Variants in DAB1 observed in about 807,000 individuals in gnomAD.
The protein encoded by DAB1 is disabled homolog 1.
Under a neutral mutation model 64.6 loss-of-function variants are expected in DAB1, and 15 were observed. The observed-to-expected ratio is 0.23, with a 90% CI of 0.16 to 0.36. DAB1 has a LOEUF of 0.36. Ranked by LOEUF, DAB1 falls within the 10% of genes least tolerant of loss-of-function variation. The probability of loss-of-function intolerance (pLI) is 1.00; values close to 1 mark genes in which losing one functional copy is unlikely to be tolerated. For missense variants in DAB1, 596 were observed against 706.7 expected (o/e 0.84, Z 1.78); for synonymous variants, 235 against 251.9 (o/e 0.93, Z 0.64).
At chr1:58,201,206 T>G (rs918468544) in intron 4 of DAB1, among the ~76,000 whole-genome samples, 1 of 151,950 alleles carries the variant, frequency 6.6e-6, no homozygotes, top group African/African-American at 2.4e-5. Context: ...TTAGTAGAGA[T>G]GGGGTTTCAC....
rs1166788271 is a variant in DAB1 at position 58,201,027 on chromosome 1, T to TTTC, written n.310-50440_310-50439insGAA. ...AGTCTATTTTTGTTTGTTTTGTTTTTTTTTTTTGAGATGGAGTCTCGCTCT... is the reference window on the plus strand; with the variant it reads ...AGTCTATTTTTGTTTGTTTTGTTTTTTTCTTTTTTTGAGATGGAGTCTCGCTCT... On this transcript the variant is annotated intron_variant and non_coding_transcript_variant, in intron 4 of 20. Coordinates refer to the DAB1 transcript ENST00000485760. Among the ~76,000 whole-genome samples the TTTC allele has an allele frequency of 3.3e-5, 5 of 151,874 alleles. No homozygotes were observed. The East Asian group carries it at 9.7e-4, about 29-fold the overall frequency.
At chr1:57,232,520 T>C (rs1667761982) in intron 2 of DAB1, among the ~76,000 whole-genome samples, 1 of 152,118 alleles carries the variant, frequency 6.6e-6, no homozygotes, top group African/African-American at 2.4e-5. Flanking sequence ...AAACTTACGT[T>C]CTCTAACACA....
chr1:57,971,704 G>T (rs1025917823), intron 5 of DAB1, among the ~76,000 whole-genome samples: 10 of 152,098 alleles, frequency 6.6e-5, no homozygotes, highest in Admixed American at 5.2e-4. Context: ...TTTGTATCCG[G>T]GATCACAAAT....
At chr1:58,301,364 C>T (rs1431757019) in intron 4 of DAB1, among the ~76,000 whole-genome samples, 2 of 152,138 alleles carry the variant, frequency 1.3e-5, no homozygotes, top group African/African-American at 4.8e-5. Flanking sequence ...ATCCATGAGA[C>T]TTCTGGATTA....
chr1:58,496,783 A>G (rs1053129725), intron 3 of DAB1, among the ~76,000 whole-genome samples: 1 of 152,188 alleles, frequency 6.6e-6, no homozygotes, highest in African/African-American at 2.4e-5. Context: ...TGTCTGCAAC[A>G]TCTTTTATTC....
intron 5 of DAB1, among the ~76,000 whole-genome samples, chr1:57,936,530 T>C (rs1210326959): frequency 6.6e-6 from 1 of 152,140 alleles, no homozygotes; most frequent in Non-Finnish European, 1.5e-5. Context: ...TAGCTGGGAT[T>C]ACAGGCAGCC....
At position 57,145,396 on chromosome 1, in the gene DAB1, C is replaced by T. The variant is rs1188127165; in HGVS notation, c.101G>A (p.Arg34Lys). 3 of 1,613,968 alleles carry T rather than the reference C, an allele frequency of 1.9e-6. No homozygotes were observed. The highest frequency in any genetic ancestry group is 1.3e-5 in the African/African-American group (1 of 74,936). The part of the protein sequence containing the change: ...QDRSEATLIK[R>K]FKGEGVRYKA... ...GTACCGGACCCCTTCACCTTTAAAC[C>T]TCTTTATCAAAGTGGCTTCACTGCG... Residue 34 changes from arginine to lysine, a missense_variant, in exon 3 of 15, where the codon AGG becomes AAG. This residue lies in a region of DAB1 where 43 missense variants were observed against 39.6 expected (regional missense o/e 1.09). Coordinates refer to ENST00000371236, the MANE Select transcript of DAB1 (RefSeq NM_001365792.1).
chr1:57,412,481 C>A (rs529939552), intron 1 of DAB1, among the ~76,000 whole-genome samples: 9 of 152,322 alleles, frequency 5.9e-5, no homozygotes, highest in Middle Eastern at 3.4e-3. Context: ...GTGCAGCTCA[C>A]TGCCAGTACT....
chr1:58,302,900 A>G (rs1041630240), intron 4 of DAB1, among the ~76,000 whole-genome samples: 3 of 152,072 alleles, frequency 2.0e-5, no homozygotes, highest in African/African-American at 7.2e-5. Context: ...CTACTATTTA[A>G]TATCTCACTA....
intron 4 of DAB1, among the ~76,000 whole-genome samples, chr1:58,229,771 C>T (rs560583375): frequency 1.0e-3 from 152 of 152,298 alleles, no homozygotes; most frequent in Admixed American, 2.8e-3. Flanking sequence ...GCTGAGCCTC[C>T]TGGAGAAGAG....
chr1:57,878,095 T>C (rs913932260), intron 1 of DAB1, among the ~76,000 whole-genome samples: 6 of 152,188 alleles, frequency 3.9e-5, no homozygotes, highest in South Asian at 2.1e-4. Context: ...CTGAAGCCTA[T>C]CTTTATGTCC....
chr1:57,255,373 C>A (rs1211636914), intron 2 of DAB1, among the ~76,000 whole-genome samples: 1 of 152,078 alleles, frequency 6.6e-6, no homozygotes, highest in African/African-American at 2.4e-5. Flanking sequence ...GTTAAAAAAA[C>A]AAAACAGGCC....
At chr1:57,611,339 A>G (rs1457343961) in intron 7 of DAB1, among the ~76,000 whole-genome samples, 1 of 152,028 alleles carries the variant, frequency 6.6e-6, no homozygotes, top group Non-Finnish European at 1.5e-5. Flanking sequence ...CAGAATGTTT[A>G]TTGTTCTATC....
chr1:57,681,865 A>G (rs1337021815), intron 6 of DAB1, among the ~76,000 whole-genome samples: 4 of 152,144 alleles, frequency 2.6e-5, no homozygotes, highest in Non-Finnish European at 5.9e-5. Context: ...AGAAACCTGT[A>G]GATAGAAGAG....
intron 5 of DAB1, among the ~76,000 whole-genome samples, chr1:57,985,206 C>T (rs920438451): frequency 6.6e-6 from 1 of 152,186 alleles, no homozygotes; most frequent in Admixed American, 6.5e-5. Context: ...CCACACCCGG[C>T]CTGCTTTAGT....
intron 1 of DAB1, among the ~76,000 whole-genome samples, chr1:57,386,161 T>C (rs968388830): frequency 2.6e-5 from 4 of 152,060 alleles, no homozygotes; most frequent in African/African-American, 9.7e-5. Flanking sequence ...TAGCAAGGAC[T>C]TCATAAATGG....
At chr1:58,027,677 T>TA (rs1332532047) in intron 5 of DAB1, among the ~76,000 whole-genome samples, 13 of 152,156 alleles carry the variant, frequency 8.5e-5, no homozygotes, top group African/African-American at 2.7e-4. Context: ...GAGCTATTTA[T>TA]TTAACTTCTC....
At chr1:57,693,347 G>A (rs984034799) in intron 6 of DAB1, among the ~76,000 whole-genome samples, 13 of 151,826 alleles carry the variant, frequency 8.6e-5, no homozygotes, top group African/African-American at 3.1e-4. Context: ...TTTCTCTCTA[G>A]CTAGAGTATT....
chr1:57,885,711 A>G (rs556889773), upstream of DAB1, among the ~76,000 whole-genome samples: 11 of 152,308 alleles, frequency 7.2e-5, no homozygotes, highest in East Asian at 2.1e-3. Context: ...GCAAAATTGA[A>G]AGTATGGTGT....
Sources: gnomAD v4.1 joint callset for allele counts (sites outside exome capture counted in the v4.1 genomes callset) on GRCh38, gnomAD v4.1.1 for gene constraint, gnomAD v4.1.1 regional missense constraint, MANE v1.5 for transcripts, NCBI Gene and HGNC (gene_info 2026-07-23, HGNC 2026-07-21) for gene names.